The following SMYD3 variants were observed in gnomAD, a reference collection of about 807,000 sequenced individuals.
SMYD3 encodes SET and MYND domain containing 3.
SMYD3 carries 36 observed loss-of-function variants against 57.7 expected under a neutral mutation model. That is an observed-to-expected ratio of 0.62 (90% CI 0.48 to 0.82). The LOEUF (loss-of-function observed/expected upper bound fraction) is 0.82, where lower values mean the gene tolerates loss of function less well. SMYD3 is among the 40% of genes least tolerant of loss of function. SMYD3 has a pLI of 0.00. For missense variants in SMYD3, 515 were observed against 538.8 expected, an observed-to-expected ratio of 0.96 and a Z score of 0.44; for synonymous variants, 211 against 195.0, an observed-to-expected ratio of 1.08 and a Z score of -0.68.
At chr1:246,002,278 G>C (rs916838643) in intron 5 of SMYD3, among the ~76,000 whole-genome samples, 12 of 129,420 alleles carry the variant, frequency 9.3e-5, no homozygotes, top group African/African-American at 2.7e-4. Flanking sequence ...TCCGCCTCCC[G>C]GGTTCACGCC....
intron 1 of SMYD3, among the ~76,000 whole-genome samples, chr1:246,392,996 C>T (rs955148167): frequency 6.6e-6 from 1 of 151,914 alleles, no homozygotes; most frequent in African/African-American, 2.4e-5. Flanking sequence ...CAGGTGTTGA[C>T]AAAAATGAGA....
At chr1:246,230,977 C>T (rs1485456767) in intron 5 of SMYD3, among the ~76,000 whole-genome samples, 3 of 152,218 alleles carry the variant, frequency 2.0e-5, no homozygotes, top group Non-Finnish European at 4.4e-5. Flanking sequence ...AGTTTCCTAA[C>T]TTTGACAGAA....
chr1:245,764,417 A>G lies in SMYD3; in HGVS notation c.1077-268T>C, dbSNP rs3748850. Among the ~76,000 whole-genome samples the G allele has an allele frequency of 4.6e-5, 7 of 151,934 alleles. No homozygotes were observed. The East Asian group carries it at 1.4e-3, about 30-fold the overall frequency. ...TCATAAACACTAGAGAAGAGAAACA[A>G]AAGTTTGGAGCTCTGCGTTGATATT... On this transcript the variant is annotated intron_variant, in intron 10 of 11. Coordinates refer to ENST00000490107, the MANE Select transcript of SMYD3 (RefSeq NM_001167740.2).
chr1:246,261,010 G>A (rs908018579), intron 5 of SMYD3, among the ~76,000 whole-genome samples: 23 of 151,952 alleles, frequency 1.5e-4, no homozygotes, highest in South Asian at 6.2e-4. Context: ...ACAGAGTCTC[G>A]CCTTCTGGCT....
chr1:246,412,629 C>T (rs1160215216), intron 1 of SMYD3, among the ~76,000 whole-genome samples: 1 of 151,722 alleles, frequency 6.6e-6, no homozygotes, highest in Admixed American at 6.6e-5. Context: ...GCAGCCGAGG[C>T]AGGCGGATCA....
chr1:246,380,792 T>C (rs2066375624), intron 1 of SMYD3, among the ~76,000 whole-genome samples: 2 of 152,220 alleles, frequency 1.3e-5, no homozygotes, highest in African/African-American at 4.8e-5. Flanking sequence ...AGTAGGAATC[T>C]TGAAATTGAG....
At chr1:246,002,838 C>T (rs2059102039) in intron 5 of SMYD3, among the ~76,000 whole-genome samples, 1 of 151,964 alleles carries the variant, frequency 6.6e-6, no homozygotes, top group Non-Finnish European at 1.5e-5. Flanking sequence ...CAGCCTCGAC[C>T]TCCTGGGCTC....
intron 5 of SMYD3, among the ~76,000 whole-genome samples, chr1:246,230,725 G>T (rs1436086683): frequency 1.3e-5 from 2 of 152,220 alleles, no homozygotes; most frequent in Non-Finnish European, 2.9e-5. Context: ...AGAACTTTCT[G>T]CAATGATACA....
At chr1:246,445,671 T>G (rs2103024292) in intron 1 of SMYD3, among the ~76,000 whole-genome samples, 1 of 152,292 alleles carries the variant, frequency 6.6e-6, no homozygotes, top group African/African-American at 2.4e-5. Context: ...AGACAGTCTT[T>G]TGCAAACCAA....
intron 10 of SMYD3, among the ~76,000 whole-genome samples, chr1:245,850,890 T>G (rs2050937351): frequency 6.6e-6 from 1 of 152,034 alleles, no homozygotes; most frequent in African/African-American, 2.4e-5. Context: ...CGCCAGTCAC[T>G]CCAAGGCCTG....
intron 5 of SMYD3, among the ~76,000 whole-genome samples, chr1:246,038,049 G>C (rs6693308): frequency 0.46 from 70,464 of 152,022 alleles, 18,570 homozygotes; most frequent in East Asian, 0.96. Context: ...AAACTTGATT[G>C]ATAAAAACAG....
intron 1 of SMYD3, among the ~76,000 whole-genome samples, chr1:246,369,152 C>T (rs1476955902): frequency 6.6e-6 from 1 of 152,142 alleles, no homozygotes; most frequent in Non-Finnish European, 1.5e-5. Context: ...TAATATCATG[C>T]TTGGTTCACA....
At chr1:246,241,068 C>T (rs764387549) in intron 5 of SMYD3, among the ~76,000 whole-genome samples, 18 of 146,460 alleles carry the variant, frequency 1.2e-4, no homozygotes, top group Admixed American at 6.3e-4. Context: ...CTTTTCCTAA[C>T]TGAATACCCT....
At chr1:245,940,716 A>G (rs2057206084) in intron 5 of SMYD3, among the ~76,000 whole-genome samples, 1 of 152,236 alleles carries the variant, frequency 6.6e-6, no homozygotes, top group African/African-American at 2.4e-5. Context: ...GAAAGAATCA[A>G]TGCAAAAATG....
chr1:245,917,665 G>C (rs1250545800), intron 7 of SMYD3, among the ~76,000 whole-genome samples: 1 of 152,140 alleles, frequency 6.6e-6, no homozygotes, highest in Non-Finnish European at 1.5e-5. Flanking sequence ...GCCCTATTAA[G>C]AGTAACAACC....
intron 1 of SMYD3, among the ~76,000 whole-genome samples, chr1:246,392,894 C>T (rs78962656): frequency 0.036 from 5,403 of 150,676 alleles, 141 homozygotes; most frequent in Non-Finnish European, 0.049. Context: ...ACATGTTCAA[C>T]ATCATCAATC....
At chr1:246,370,775 G>A (rs777836055) in intron 1 of SMYD3, among the ~76,000 whole-genome samples, 7 of 152,266 alleles carry the variant, frequency 4.6e-5, no homozygotes, top group South Asian at 4.1e-4. Flanking sequence ...CACAAATGTC[G>A]TCATCTCCAC....
intron 1 of SMYD3, among the ~76,000 whole-genome samples, chr1:246,382,798 T>TC (rs1464183001): frequency 6.6e-6 from 1 of 151,626 alleles, no homozygotes; most frequent in African/African-American, 2.4e-5. Flanking sequence ...CCCCATGGAC[T>TC]CAAACTCAAG....
intron 10 of SMYD3, among the ~76,000 whole-genome samples, chr1:245,827,963 T>C (rs1373608233): frequency 6.6e-6 from 1 of 152,152 alleles, no homozygotes; most frequent in Admixed American, 6.5e-5. Context: ...CCCTAAAGCC[T>C]GAAGTGGGCA....
Sources: gnomAD v4.1 joint callset for allele counts (sites outside exome capture counted in the v4.1 genomes callset) on GRCh38, gnomAD v4.1.1 for gene constraint, MANE v1.5 for transcripts, NCBI Gene and HGNC (gene_info 2026-07-23, HGNC 2026-07-21) for gene names.